Variants in GPC5 observed in about 807,000 individuals in gnomAD.
GPC5 encodes glypican 5, also known as glypican-5.
GPC5 carries 47 observed loss-of-function variants against 53.9 expected under a neutral mutation model. The ratio of observed to expected loss-of-function variants is 0.87; its 90% CI spans 0.69 to 1.11. GPC5 has a LOEUF of 1.11. Ranked by LOEUF, GPC5 falls within the 50% of genes most tolerant of loss-of-function variation. GPC5 has a pLI of 0.00. For missense variants in GPC5, 748 were observed against 713.1 expected (o/e 1.05, Z -0.56); for synonymous variants, 286 against 263.3 (o/e 1.09, Z -0.84).
Position 92,771,529 on chromosome 13 carries a change from G to A in GPC5, c.1562-94753G>A, listed in dbSNP as rs61974504. On this transcript the variant is annotated intron_variant, in intron 7 of 7. Transcript: ENST00000377067. Reference sequence around the variant, plus strand: ...GGCTAATTTTTTTGCATTTTTAGTAGAGATGGGGTTTCACCATCTTAGCCA... The same window carrying A: ...GGCTAATTTTTTTGCATTTTTAGTAAAGATGGGGTTTCACCATCTTAGCCA... 6.5e-3 allele frequency among the ~76,000 whole-genome samples: 994 copies of A among 152,032 alleles called. 8 individuals carry two copies. Among genetic ancestry groups the A allele is most frequent in the Non-Finnish European group, 0.011 (765 of 67,980 alleles).
intron 7 of GPC5, among the ~76,000 whole-genome samples, chr13:92,345,330 T>C (rs955867990): frequency 5.3e-5 from 8 of 152,138 alleles, no homozygotes; most frequent in African/African-American, 1.9e-4. Context: ...GTACGTAATA[T>C]AAAGTATACT....
intron 2 of GPC5, among the ~76,000 whole-genome samples, chr13:91,535,029 A>T (rs1886523921): frequency 6.6e-6 from 1 of 151,770 alleles, no homozygotes; most frequent in Non-Finnish European, 1.5e-5. Context: ...GCCTGTGAAG[A>T]CTCTGAGATC....
intron 2 of GPC5, among the ~76,000 whole-genome samples, chr13:91,464,175 T>C (rs774216733): frequency 6.6e-6 from 1 of 152,072 alleles, no homozygotes; most frequent in Non-Finnish European, 1.5e-5. Flanking sequence ...AAAGCTATAA[T>C]GAGATATCAC....
intron 6 of GPC5, among the ~76,000 whole-genome samples, chr13:91,963,699 G>C (rs1799191360): frequency 1.3e-5 from 2 of 152,142 alleles, no homozygotes; most frequent in Admixed American, 6.6e-5. Context: ...CTGATTGGGA[G>C]AGGTGGGAAG....
At chr13:91,576,948 A>T (rs2032161614) in intron 2 of GPC5, among the ~76,000 whole-genome samples, 1 of 152,044 alleles carries the variant, frequency 6.6e-6, no homozygotes, top group South Asian at 2.1e-4. Flanking sequence ...AAAAATTTGT[A>T]TGTGAAAAGG....
At chr13:91,408,593 A>G (rs187433735) in intron 1 of GPC5, among the ~76,000 whole-genome samples, 24 of 152,344 alleles carry the variant, frequency 1.6e-4, no homozygotes, top group African/African-American at 5.5e-4. Flanking sequence ...TTACTTAAGT[A>G]GAAAGACTAT....
chr13:92,765,735 G>A (rs981773792), intron 7 of GPC5, among the ~76,000 whole-genome samples: 1 of 152,014 alleles, frequency 6.6e-6, no homozygotes, highest in African/African-American at 2.4e-5. Context: ...AGCCTTCCAT[G>A]TGTTTTTTAC....
intron 6 of GPC5, among the ~76,000 whole-genome samples, chr13:92,031,924 G>A (rs2040854690): frequency 9.5e-6 from 1 of 105,342 alleles, no homozygotes; most frequent in African/African-American, 3.6e-5. Flanking sequence ...ATAAATATAT[G>A]TATTTTATAT....
At chr13:91,834,068 G>A (rs1475162977) in intron 5 of GPC5, among the ~76,000 whole-genome samples, 2 of 152,050 alleles carry the variant, frequency 1.3e-5, no homozygotes, top group African/African-American at 2.4e-5. Flanking sequence ...AAATCAATGT[G>A]CAAAATTCAG....
chr13:92,288,032 T>G (rs2139179344), intron 7 of GPC5, among the ~76,000 whole-genome samples: 1 of 152,200 alleles, frequency 6.6e-6, no homozygotes, highest in South Asian at 2.1e-4. Flanking sequence ...TGCTAAAATC[T>G]CCAGGAATTT....
At chr13:92,228,697 C>T (rs529084215) in intron 7 of GPC5, among the ~76,000 whole-genome samples, 1 of 152,166 alleles carries the variant, frequency 6.6e-6, no homozygotes, top group Admixed American at 6.5e-5. Context: ...AAAAGCATCA[C>T]ATTTTCTTTT....
intron 7 of GPC5, among the ~76,000 whole-genome samples, chr13:92,359,822 C>G (rs1406631761): frequency 1.3e-5 from 2 of 151,684 alleles, no homozygotes; most frequent in East Asian, 3.9e-4. Context: ...CACCATGATT[C>G]AATCACCTCC....
intron 5 of GPC5, among the ~76,000 whole-genome samples, chr13:91,894,679 T>C (rs1017140337): frequency 6.6e-6 from 1 of 152,148 alleles, no homozygotes. Flanking sequence ...GCACCCACCA[T>C]TTAGAATGTT....
intron 6 of GPC5, among the ~76,000 whole-genome samples, chr13:92,094,234 C>T (rs1458062134): frequency 1.3e-5 from 2 of 152,106 alleles, no homozygotes; most frequent in East Asian, 3.9e-4. Context: ...AGAAACTTTT[C>T]GGCCGGGCAC....
chr13:91,724,400 C>T (rs943672189), intron 3 of GPC5, among the ~76,000 whole-genome samples: 5 of 152,146 alleles, frequency 3.3e-5, no homozygotes, highest in African/African-American at 1.2e-4. Context: ...GCCTGTGCCT[C>T]CTCCTCTAAC....
chr13:91,721,641 C>T (rs1157790068), intron 3 of GPC5, among the ~76,000 whole-genome samples: 5 of 152,178 alleles, frequency 3.3e-5, no homozygotes, highest in African/African-American at 9.7e-5. Flanking sequence ...CTTGCCTCAT[C>T]CCCCTAGGCT....
At chr13:92,385,539 T>TGCATCTATACATATAC (rs1874627988) in intron 7 of GPC5, among the ~76,000 whole-genome samples, 1 of 124,144 alleles carries the variant, frequency 8.1e-6, no homozygotes, top group Non-Finnish European at 1.7e-5. Flanking sequence ...TATACATATA[T>TGCATCTATACATATAC]GCATATATAC....
chr13:92,250,532 A>T (rs9589462), intron 7 of GPC5, among the ~76,000 whole-genome samples: 1 of 152,078 alleles, frequency 6.6e-6, no homozygotes, highest in Non-Finnish European at 1.5e-5. Context: ...GTGGGTTTAA[A>T]AACACTCGGG....
intron 7 of GPC5, among the ~76,000 whole-genome samples, chr13:92,258,812 A>G (rs1241065853): frequency 6.6e-6 from 1 of 152,158 alleles, no homozygotes; most frequent in Admixed American, 6.6e-5. Context: ...AGGCATGGAA[A>G]TGCACCTGTA....
Sources: allele counts gnomAD v4.1 joint callset (sites outside exome capture counted in the v4.1 genomes callset), GRCh38; gene constraint gnomAD v4.1.1; transcripts MANE v1.5; gene names NCBI Gene and HGNC (gene_info 2026-07-23, HGNC 2026-07-21).